COMMD10: variants seen among roughly 807,000 people sequenced by gnomAD.
The protein encoded by COMMD10 is COMM domain containing 10, also known as COMM domain-containing protein 10.
In COMMD10, 33 loss-of-function variants were observed where a neutral mutation model predicts 28.9. That is an observed-to-expected ratio of 1.14 (90% CI 0.87 to 1.53). The LOEUF is 1.53. COMMD10 is among the 40% of genes most tolerant of loss of function. COMMD10 has a pLI of 0.00. For synonymous variants in COMMD10, 110 were observed against 81.7 expected (o/e 1.35, Z -1.87); for missense variants, 310 against 233.4 (o/e 1.33, Z -2.14).
chr5:116,137,502 A>G (rs1561624334), intron 5 of COMMD10, among the ~76,000 whole-genome samples: 2 of 152,022 alleles, frequency 1.3e-5, no homozygotes, highest in East Asian at 1.9e-4. Context: ...TGTGTATTTT[A>G]TAGGGTAGTT....
chr5:116,205,547 T>C (rs938380113), intron 5 of COMMD10, among the ~76,000 whole-genome samples: 2 of 152,174 alleles, frequency 1.3e-5, no homozygotes, highest in Non-Finnish European at 2.9e-5. Flanking sequence ...TATACCCATA[T>C]ATGCATATGT....
At chr5:116,264,110 G>A (rs1750520680) in intron 5 of COMMD10, among the ~76,000 whole-genome samples, 1 of 151,638 alleles carries the variant, frequency 6.6e-6, no homozygotes, top group Non-Finnish European at 1.5e-5. Context: ...TAAAGGAGTG[G>A]CCCCTAAATC....
chr5:116,106,869 G>C (rs1750856966), intron 4 of COMMD10, among the ~76,000 whole-genome samples: 1 of 152,072 alleles, frequency 6.6e-6, no homozygotes, highest in South Asian at 2.1e-4. Context: ...GCCTATGTGT[G>C]TCTTTGCATG....
chr5:116,173,807 TCCAA>T (rs1483303626), intron 5 of COMMD10, among the ~76,000 whole-genome samples: 17 of 151,706 alleles, frequency 1.1e-4, no homozygotes, highest in Admixed American at 7.9e-4. Flanking sequence ...CCATTTTTTT[TCCAA>T]CTGTTTTTGG....
At chr5:116,087,412 G>A (rs1750140800) in intron 1 of COMMD10, 85 bp from the exon 2 acceptor site, 1 of 813,602 alleles carries the variant, frequency 1.2e-6, no homozygotes, top group Admixed American at 1.9e-5. Flanking sequence ...CAGAGTTGTT[G>A]GAATGAAAAC....
At chr5:116,232,248 T>C (rs977540751) in intron 5 of COMMD10, among the ~76,000 whole-genome samples, 3 of 152,092 alleles carry the variant, frequency 2.0e-5, no homozygotes, top group East Asian at 1.9e-4. Flanking sequence ...TACTGGGTTA[T>C]GATTTTCTAA....
chr5:116,259,499 T>C (rs1386236817), intron 5 of COMMD10, among the ~76,000 whole-genome samples: 1 of 151,714 alleles, frequency 6.6e-6, no homozygotes, highest in Non-Finnish European at 1.5e-5. Context: ...TTAAGTTTGG[T>C]GACTTTCTTG....
At chr5:116,090,449 T>G (rs1177544432) in intron 2 of COMMD10, among the ~76,000 whole-genome samples, 2 of 152,216 alleles carry the variant, frequency 1.3e-5, no homozygotes, top group Middle Eastern at 3.2e-3. Flanking sequence ...AATAAACATT[T>G]GTGGCCTTTG....
At chr5:116,192,180 C>G (rs972306369) in intron 5 of COMMD10, among the ~76,000 whole-genome samples, 6 of 151,998 alleles carry the variant, frequency 3.9e-5, no homozygotes, top group Non-Finnish European at 7.4e-5. Flanking sequence ...AGCCCTAGAC[C>G]TTCCCTCTGA....
chr5:116,102,823 C>G (rs1472075757), intron 4 of COMMD10, among the ~76,000 whole-genome samples: 4 of 152,114 alleles, frequency 2.6e-5, no homozygotes, highest in East Asian at 1.9e-4. Flanking sequence ...ACCAGCCCCC[C>G]ACACCCTGAC....
At chr5:116,241,948 A>T (rs1749826988) in intron 5 of COMMD10, among the ~76,000 whole-genome samples, 1 of 152,122 alleles carries the variant, frequency 6.6e-6, no homozygotes, top group South Asian at 2.1e-4. Context: ...GAATAAATTT[A>T]ACCTCTCAGA....
chr5:116,172,968 A>T (rs1485675450), intron 5 of COMMD10, among the ~76,000 whole-genome samples: 2 of 152,166 alleles, frequency 1.3e-5, no homozygotes, highest in African/African-American at 4.8e-5. Flanking sequence ...GCTCATGTAA[A>T]GTTTATAAAA....
At chr5:116,196,353 A>G (rs898158621) in intron 5 of COMMD10, among the ~76,000 whole-genome samples, 2 of 152,072 alleles carry the variant, frequency 1.3e-5, no homozygotes, top group Non-Finnish European at 2.9e-5. Flanking sequence ...GGGTGAAGAG[A>G]GGGAGGGGGT....
chr5:116,137,631 C>T (rs183290761), intron 5 of COMMD10, among the ~76,000 whole-genome samples: 15 of 152,072 alleles, frequency 9.9e-5, no homozygotes, highest in African/African-American at 3.1e-4. Flanking sequence ...CTGTAATTCA[C>T]TGAAGAGTAC....
intron 5 of COMMD10, among the ~76,000 whole-genome samples, chr5:116,222,108 G>T (rs953555695): frequency 6.6e-6 from 1 of 152,122 alleles, no homozygotes; most frequent in Non-Finnish European, 1.5e-5. Context: ...AATGCCATCT[G>T]GGATGTTAAG....
chr5:116,232,984 C>T (rs893954693), intron 5 of COMMD10, among the ~76,000 whole-genome samples: 3 of 152,080 alleles, frequency 2.0e-5, no homozygotes, highest in South Asian at 4.1e-4. Flanking sequence ...TCGTCAATTC[C>T]GGCTAAATGG....
At chr5:116,258,067 A>G (rs1049435442) in intron 5 of COMMD10, among the ~76,000 whole-genome samples, 2 of 151,810 alleles carry the variant, frequency 1.3e-5, no homozygotes, top group African/African-American at 2.4e-5. Context: ...ATACAGATCT[A>G]CAAATATGAG....
chr5:116,246,733 T>C (rs566127483), intron 5 of COMMD10, among the ~76,000 whole-genome samples: 20 of 152,182 alleles, frequency 1.3e-4, no homozygotes, highest in Non-Finnish European at 2.4e-4. Flanking sequence ...AAGCAAGCAA[T>C]GGGGAAAGGA....
chr5:116,155,219 A>G (rs1199571855), intron 5 of COMMD10, among the ~76,000 whole-genome samples: 9 of 152,180 alleles, frequency 5.9e-5, no homozygotes, highest in South Asian at 2.1e-4. Context: ...TAGTTATTCT[A>G]TTTCTGGTTG....
Sources: gnomAD v4.1 joint callset for allele counts (sites outside exome capture counted in the v4.1 genomes callset) on GRCh38, gnomAD v4.1.1 for gene constraint, MANE v1.5 for transcripts, NCBI Gene and HGNC (gene_info 2026-07-23, HGNC 2026-07-21) for gene names.